NKAIN2: variants seen among roughly 807,000 people sequenced by gnomAD.
The protein encoded by NKAIN2 is sodium/potassium-transporting ATPase subunit beta-1-interacting protein 2.
A neutral mutation model predicts 32.6 loss-of-function variants in NKAIN2; 14 were observed. That is an observed-to-expected ratio of 0.43 (90% CI 0.28 to 0.67). NKAIN2 has a LOEUF of 0.67. Among genes scored for constraint, NKAIN2 ranks in the 30% least tolerant of loss-of-function variants. NKAIN2 has a pLI of 0.17. For missense variants in NKAIN2, 198 were observed against 258.3 expected, an observed-to-expected ratio of 0.77 and a Z score of 1.60; for synonymous variants, 80 against 87.2, an observed-to-expected ratio of 0.92 and a Z score of 0.46.
At chr6:124,286,369 C>T (rs573326756) in intron 2 of NKAIN2, among the ~76,000 whole-genome samples, 61 of 151,878 alleles carry the variant, frequency 4.0e-4, no homozygotes, top group African/African-American at 1.3e-3. Context: ...GGAGAAATAC[C>T]TAGGTATAAT....
In NKAIN2 at chr6:124,157,612, T is replaced by C. The variant is rs149592169; in HGVS notation, c.55-125393T>C. Among the ~76,000 whole-genome samples, 93 of 152,320 alleles carry C rather than the reference T, an allele frequency of 6.1e-4. No homozygotes were observed. In the East Asian group the frequency reaches 0.017, roughly 28 times the overall value. ...TGATTGCATATGTTGTCAACTGTTC[T>C]CCCTTGAGTATCTTATTTACTCTAT... On this transcript the variant is annotated intron_variant, in intron 1 of 6. Transcript: ENST00000368417.
At chr6:123,906,700 CTG>C (rs1028082155) in intron 1 of NKAIN2, among the ~76,000 whole-genome samples, 1 of 152,096 alleles carries the variant, frequency 6.6e-6, no homozygotes, top group Non-Finnish European at 1.5e-5. Flanking sequence ...TAGTATCTGT[CTG>C]TGTTATATGA....
intron 1 of NKAIN2, among the ~76,000 whole-genome samples, chr6:123,987,751 C>T (rs1009378877): frequency 2.6e-5 from 4 of 152,076 alleles, no homozygotes; most frequent in Non-Finnish European, 4.4e-5. Flanking sequence ...AGAGAATTTC[C>T]CACACTTTGA....
chr6:124,345,607 C>G (rs577955580), intron 2 of NKAIN2, among the ~76,000 whole-genome samples: 1 of 151,732 alleles, frequency 6.6e-6, no homozygotes, highest in Non-Finnish European at 1.5e-5. Flanking sequence ...TCTAGATTTT[C>G]TAGTTTATTT....
intron 1 of NKAIN2, among the ~76,000 whole-genome samples, chr6:124,220,456 T>C (rs1214323201): frequency 1.3e-5 from 1 of 76,022 alleles, no homozygotes; most frequent in Non-Finnish European, 3.2e-5. Context: ...TCTCCTTTTT[T>C]TTCCCTTTTT....
At chr6:124,794,158 A>G (rs1160078966) in intron 5 of NKAIN2, among the ~76,000 whole-genome samples, 1 of 152,174 alleles carries the variant, frequency 6.6e-6, no homozygotes, top group East Asian at 1.9e-4. Context: ...CTTACTTGGA[A>G]ACAGCTAGTG....
At chr6:124,453,036 T>C (rs1017728780) in intron 3 of NKAIN2, among the ~76,000 whole-genome samples, 1 of 151,934 alleles carries the variant, frequency 6.6e-6, no homozygotes, top group Non-Finnish European at 1.5e-5. Context: ...CTCTGTTCAG[T>C]AGATGCCAAG....
At chr6:124,216,132 A>AG in intron 1 of NKAIN2, among the ~76,000 whole-genome samples, 1 of 151,940 alleles carries the variant, frequency 6.6e-6, no homozygotes, top group East Asian at 1.9e-4. Context: ...AAAAAAAAAA[A>AG]AAAATAGTCC....
chr6:124,529,004 T>C (rs1779420718), intron 3 of NKAIN2, among the ~76,000 whole-genome samples: 1 of 152,102 alleles, frequency 6.6e-6, no homozygotes, highest in Admixed American at 6.6e-5. Context: ...AGAGAACATA[T>C]CCCCCTCTAT....
intron 1 of NKAIN2, among the ~76,000 whole-genome samples, chr6:124,280,192 G>T (rs879834839): frequency 2.0e-5 from 3 of 152,020 alleles, no homozygotes; most frequent in Non-Finnish European, 2.9e-5. Flanking sequence ...GTCCCCATGG[G>T]CAAAATCAGA....
intron 5 of NKAIN2, among the ~76,000 whole-genome samples, chr6:124,795,640 C>G (rs2786912): frequency 6.6e-6 from 1 of 151,892 alleles, no homozygotes; most frequent in Non-Finnish European, 1.5e-5. Flanking sequence ...ATTTATTTCT[C>G]ACAGTTTTGG....
chr6:124,353,073 A>G (rs1214076761), intron 2 of NKAIN2, among the ~76,000 whole-genome samples: 1 of 152,202 alleles, frequency 6.6e-6, no homozygotes, highest in African/African-American at 2.4e-5. Context: ...AATCTGATAA[A>G]AACCGGGTCT....
At chr6:124,509,405 A>G (rs1028474268) in intron 3 of NKAIN2, among the ~76,000 whole-genome samples, 2 of 152,222 alleles carry the variant, frequency 1.3e-5, no homozygotes, top group Admixed American at 6.5e-5. Context: ...TTTGCTGCAT[A>G]TATACTCGGT....
chr6:123,895,871 G>C (rs1043987509), intron 1 of NKAIN2, among the ~76,000 whole-genome samples: 1 of 150,936 alleles, frequency 6.6e-6, no homozygotes, highest in African/African-American at 2.4e-5. Flanking sequence ...TATAACATTC[G>C]TTCGTCTCCC....
intron 4 of NKAIN2, among the ~76,000 whole-genome samples, chr6:124,731,845 C>G (rs916161160): frequency 6.6e-6 from 1 of 152,046 alleles, no homozygotes; most frequent in Non-Finnish European, 1.5e-5. Flanking sequence ...ACATAACAAT[C>G]TAAATATTAA....
intron 4 of NKAIN2, among the ~76,000 whole-genome samples, chr6:124,732,562 A>G (rs1318095273): frequency 6.6e-6 from 1 of 152,070 alleles, no homozygotes; most frequent in Non-Finnish European, 1.5e-5. Flanking sequence ...AGAGAGTGAG[A>G]TTCAATAATT....
At chr6:124,128,036 C>A (rs1289024835) in intron 1 of NKAIN2, among the ~76,000 whole-genome samples, 1 of 152,128 alleles carries the variant, frequency 6.6e-6, no homozygotes, top group Non-Finnish European at 1.5e-5. Context: ...ACCATGTTGG[C>A]CAGGCTGGTC....
chr6:124,223,867 G>T (rs2114706066), intron 1 of NKAIN2, among the ~76,000 whole-genome samples: 1 of 152,222 alleles, frequency 6.6e-6, no homozygotes, highest in Admixed American at 6.5e-5. Flanking sequence ...ATAGAGATCT[G>T]CATAGTAATA....
intron 3 of NKAIN2, among the ~76,000 whole-genome samples, chr6:124,638,290 C>T (rs1783848351): frequency 6.6e-6 from 1 of 152,158 alleles, no homozygotes; most frequent in Admixed American, 6.5e-5. Flanking sequence ...TTAAATGTAA[C>T]ACCTGAAACT....
Sources: gnomAD v4.1 joint callset for allele counts (sites outside exome capture counted in the v4.1 genomes callset) on GRCh38, gnomAD v4.1.1 for gene constraint, MANE v1.5 for transcripts, NCBI Gene and HGNC (gene_info 2026-07-23, HGNC 2026-07-21) for gene names.